LANCL1: variants seen among roughly 807,000 people sequenced by gnomAD.
The protein encoded by LANCL1 is LanC like glutathione S-transferase 1, also known as glutathione S-transferase LANCL1.
Under a neutral mutation model 50.6 loss-of-function variants are expected in LANCL1, and 50 were observed. That is an observed-to-expected ratio of 0.99 (90% CI 0.79 to 1.25). The LOEUF is 1.25. LANCL1 is among the 50% of genes most tolerant of loss of function. The pLI, the probability that LANCL1 is intolerant of heterozygous loss-of-function variation, is 0.00. For missense variants in LANCL1, 532 were observed against 480.7 expected, an observed-to-expected ratio of 1.11 and a Z score of -1.00; for synonymous variants, 188 against 178.6, an observed-to-expected ratio of 1.05 and a Z score of -0.42.
chr2:210,446,137 AGT>A (rs1693319963), intron 4 of LANCL1, among the ~76,000 whole-genome samples: 1 of 151,886 alleles, frequency 6.6e-6, no homozygotes, highest in Non-Finnish European at 1.5e-5. Context: ...TCCTCAAGTG[AGT>A]CCCTGCCCCC....
chr2:210,439,184 G>A (rs896193494), intron 6 of LANCL1, among the ~76,000 whole-genome samples: 11 of 152,138 alleles, frequency 7.2e-5, no homozygotes, highest in Non-Finnish European at 1.3e-4. Context: ...TGATGAAGGC[G>A]TACCTACTAG....
intron 3 of LANCL1, among the ~76,000 whole-genome samples, chr2:210,464,305 A>G (rs1693968252): frequency 6.6e-6 from 1 of 152,250 alleles, no homozygotes; most frequent in Non-Finnish European, 1.5e-5. Context: ...TTTAACACTC[A>G]GAAGTACTTT....
At position 210,449,522 on chromosome 2, in the gene LANCL1, G is replaced by A. The variant is rs989990515; in HGVS notation, c.407+5585C>T. 6.6e-5 allele frequency among the ~76,000 whole-genome samples: 10 copies of A among 152,144 alleles called. 1 individual carries two copies. The highest frequency in any genetic ancestry group is 3.3e-4 in the Admixed American group (5 of 15,278). ...GGCCAGGGCAATCAGGCAAGAGAAA[G>A]AAATAAAGGGTACTCAGATAGGAAC... On this transcript the variant is annotated intron_variant, in intron 4 of 9. Coordinates refer to ENST00000450366, the MANE Select transcript of LANCL1 (RefSeq NM_006055.3).
chr2:210,469,420 A>G (rs1694159752), intron 3 of LANCL1, among the ~76,000 whole-genome samples: 1 of 152,202 alleles, frequency 6.6e-6, no homozygotes, highest in African/African-American at 2.4e-5. Flanking sequence ...GAGGCAGTCT[A>G]TTTTATGTGG....
intron 4 of LANCL1, among the ~76,000 whole-genome samples, chr2:210,454,219 TACACACACACACAC>T (rs3836055): frequency 0.13 from 18,685 of 147,628 alleles, 1,958 homozygotes; most frequent in East Asian, 0.33. Flanking sequence ...TATGCATACA[TACACACACACACAC>T]ACACACACAC....
At chr2:210,469,714 G>T (rs1694167757) in intron 3 of LANCL1, among the ~76,000 whole-genome samples, 1 of 152,070 alleles carries the variant, frequency 6.6e-6, no homozygotes, top group African/African-American at 2.4e-5. Context: ...AATTAAACTT[G>T]CATTTTACTT....
Position 210,472,777 on chromosome 2 carries a change from C to T in LANCL1, c.82-701G>A, listed in dbSNP as rs1559723884. Among the ~76,000 whole-genome samples the T allele has an allele frequency of 2.0e-5, 3 of 152,302 alleles. No homozygotes were observed. In the South Asian group the frequency reaches 6.2e-4, roughly 32 times the overall value. ...CATAAAGTCAGGATAATAATAACTG[C>T]CACGCCAATTTCAAAAGGTACTTTG... On this transcript the variant is annotated intron_variant, in intron 2 of 9. Coordinates refer to ENST00000450366, the MANE Select transcript of LANCL1 (RefSeq NM_006055.3).
intron 4 of LANCL1, among the ~76,000 whole-genome samples, chr2:210,446,942 ACTTCCCCAAC>A: frequency 6.6e-6 from 1 of 152,326 alleles, no homozygotes; most frequent in Non-Finnish European, 1.5e-5. Flanking sequence ...ATTATCCAGA[ACTTCCCCAAC>A]CTTCACATTC....
chr2:210,436,107 T>C (rs1273192306), intron 8 of LANCL1, 109 bp downstream of exon 8: 1 of 878,398 alleles, frequency 1.1e-6, no homozygotes, highest in East Asian at 2.6e-5. Context: ...GCCAGGCTGG[T>C]CTCGAACTCC....
chr2:210,456,026 C>G (rs1314538914), intron 3 of LANCL1, among the ~76,000 whole-genome samples: 1 of 151,948 alleles, frequency 6.6e-6, no homozygotes, highest in African/African-American at 2.4e-5. Flanking sequence ...AGTTTCTTAC[C>G]CTACTCTTGA....
chr2:210,463,139 C>A (rs910550777), intron 3 of LANCL1, among the ~76,000 whole-genome samples: 1 of 152,136 alleles, frequency 6.6e-6, no homozygotes, highest in South Asian at 2.1e-4. Flanking sequence ...ATGAAGTACT[C>A]AGCCTTGCTT....
intron 3 of LANCL1, chr2:210,471,630 T>C: frequency 2.0e-6 from 1 of 492,854 alleles, no homozygotes; most frequent in African/African-American, 1.9e-5. Context: ...TTTGGAACTC[T>C]TCCCAATTCT....
rs1459169274 is a variant in LANCL1 at position 210,436,289 on chromosome 2, G to A, written c.977C>T (p.Ala326Val). 3.7e-6 allele frequency: 6 copies of A among 1,614,024 alleles called. No individual in the cohort carries two copies. The South Asian group carries it at 6.6e-5, about 18-fold the overall frequency. Residue 326 changes from alanine (A) to valine (V), a missense_variant, in exon 8 of 10, where the codon GCA becomes GTA. Physicochemically the swap from Ala to Val is moderately conservative, Grantham distance 64. Coordinates refer to ENST00000450366, the MANE Select transcript of LANCL1 (RefSeq NM_006055.3). ...KKGYGLCHGS[A>V]GNAYAFLTLY... is the part of the protein sequence containing the mutation. ...TGTCAGGAAGGCATAGGCATTCCCTGCAGAACCGTGGCACAGCCCATATCC... is the reference window on the plus strand; with the variant it reads ...TGTCAGGAAGGCATAGGCATTCCCTACAGAACCGTGGCACAGCCCATATCC...
At chr2:210,463,390 T>G (rs1045238129) in intron 3 of LANCL1, among the ~76,000 whole-genome samples, 1 of 152,130 alleles carries the variant, frequency 6.6e-6, no homozygotes, top group Non-Finnish European at 1.5e-5. Context: ...AAAGTTTTTT[T>G]GAGGTTTAGA....
chr2:210,434,631 C>T (rs1426856248), intron 9 of LANCL1, 68 bp from the exon 10 acceptor site: 1 of 1,265,270 alleles, frequency 7.9e-7, no homozygotes, highest in South Asian at 1.3e-5. Flanking sequence ...GGTTCTTTTT[C>T]CCCCATATCT....
At chr2:210,460,981 G>A (rs1693838075) in intron 3 of LANCL1, 1 of 152,078 alleles carries the variant, frequency 6.6e-6, no homozygotes, top group South Asian at 2.1e-4. Flanking sequence ...GGGAAACATT[G>A]TTTTCCTTCC....
chr2:210,453,648 T>A (rs1461540055), intron 4 of LANCL1, among the ~76,000 whole-genome samples: 2 of 152,210 alleles, frequency 1.3e-5, no homozygotes, highest in African/African-American at 4.8e-5. Context: ...TGATGGTACT[T>A]AACAAGTGAT....
In LANCL1 at chr2:210,454,961, C is replaced by T. The variant is rs575886847; in HGVS notation, c.407+146G>A. The T allele has an allele frequency of 7.6e-6, 5 of 661,258 alleles. No individual in the cohort carries two copies. In the East Asian group the frequency reaches 8.2e-5, roughly 11 times the overall value. The allele number at this position is 661,258 out of a possible 1,614,324, so 41.0% of individuals were successfully genotyped here. A position where few individuals can be genotyped will look rare whatever the true frequency, so the allele number is the denominator to read the frequency against. On this transcript the variant is annotated intron_variant, in intron 4 of 9. Coordinates refer to ENST00000450366, the MANE Select transcript of LANCL1 (RefSeq NM_006055.3). ...TAATCGTTGTTCCTTAACTACAACA[C>T]AGGAATATGACAATTGATCAAATGA...
At chr2:210,476,494 T>TCC (rs1694382782) in intron 1 of LANCL1, 82 bp from the exon 2 acceptor site, 1 of 1,450,234 alleles carries the variant, frequency 6.9e-7, no homozygotes, top group Admixed American at 2.5e-5. Context: ...CGCCCAGGTA[T>TCC]CCCCCTTCCT....
Sources: gnomAD v4.1 joint callset for allele counts (sites outside exome capture counted in the v4.1 genomes callset) on GRCh38, gnomAD v4.1.1 for gene constraint, MANE v1.5 for transcripts, NCBI Gene and HGNC (gene_info 2026-07-23, HGNC 2026-07-21) for gene names.